The following SULT1A1 variants were observed in gnomAD, a reference collection of about 807,000 sequenced individuals.
The protein encoded by SULT1A1 is sulfotransferase family 1A member 1, also known as sulfotransferase 1A1.
Under a neutral mutation model 36.8 loss-of-function variants are expected in SULT1A1, and 35 were observed. The ratio of observed to expected loss-of-function variants is 0.95; its 90% CI spans 0.73 to 1.26. SULT1A1 has a LOEUF of 1.26. Ranked by LOEUF, SULT1A1 falls within the 50% of genes most tolerant of loss-of-function variation. SULT1A1 has a pLI of 0.00. For missense variants in SULT1A1, 309 were observed against 383.0 expected, an observed-to-expected ratio of 0.81 and a Z score of 1.61; for synonymous variants, 119 against 146.0, an observed-to-expected ratio of 0.82 and a Z score of 1.33.
At chr16:28,623,205 G>T (rs1422506432) in exon 1 of SULT1A1, 2 of 1,546,716 alleles carry the variant, frequency 1.3e-6, no homozygotes, top group Non-Finnish European at 1.7e-6. Flanking sequence ...CATGGCGCGC[G>T]GCGCTCGGCC....
At chr16:28,608,035 G>A (rs1315261993) in intron 4 of SULT1A1, 1 of 435,420 alleles carries the variant, frequency 2.3e-6, no homozygotes, top group Non-Finnish European at 4.1e-6. Context: ...TGCTCAGGCT[G>A]GAATGCAATG....
At chr16:28,608,089 G>A (rs2047288067) in intron 4 of SULT1A1, 3 of 738,484 alleles carry the variant, frequency 4.1e-6, no homozygotes, top group African/African-American at 1.7e-5. Context: ...CCGGGTTCAA[G>A]TGATTCTCCT....
At chr16:28,623,365 A>T in exon 1 of SULT1A1, 1 of 1,482,162 alleles carries the variant, frequency 6.7e-7, no homozygotes. Context: ...GAGACGAGCG[A>T]GCTACGGCAC....
chr16:28,615,617 A>G (rs1476693270), intron 2 of SULT1A1, among the ~76,000 whole-genome samples: 1 of 152,100 alleles, frequency 6.6e-6, no homozygotes, highest in Non-Finnish European at 1.5e-5. Context: ...AGCACGGCCA[A>G]CACAGGAAGC....
chr16:28,606,061 C>T lies in SULT1A1; in HGVS notation c.770G>A (p.Arg257Lys). 6.3e-7 allele frequency: 1 copy of T among 1,575,080 alleles called. No individual in the cohort carries two copies. Among genetic ancestry groups the T allele is most frequent in the Non-Finnish European group, 8.7e-7 (1 of 1,155,476 alleles). Residue 257 changes from arginine to lysine, a missense_variant, in exon 7 of 8, where the codon AGG (arginine) becomes AAG (lysine). By Grantham distance (26) the Arg-to-Lys change is conservative. This residue lies in a region of SULT1A1 where 67 missense variants were observed against 122.0 expected (regional missense o/e 0.55). Coordinates refer to ENST00000314752, the MANE Select transcript of SULT1A1 (RefSeq NM_001055.4). ...CCGTGCTGGCCAGCACCCACCTTTC[C>T]TCATGAAGGGGGAGATGCTGTGGTC... is the stretch of plus-strand genomic sequence containing the variant. ...FMDHSISPFM[R>K]KGMAGDWKTT...
chr16:28,610,129 C>T, upstream of SULT1A1: 1 of 1,285,980 alleles, frequency 7.8e-7, no homozygotes, highest in Non-Finnish European at 1.0e-6. Context: ...TTCTCCATTA[C>T]CCTCCTTAGT....
Position 28,608,461 on chromosome 16 carries a change from A to C in SULT1A1, c.274+17T>G. On this transcript the variant is annotated intron_variant, in intron 3 of 7. Transcript: ENST00000314752. The stretch of plus-strand genomic sequence containing the variant: ...GTCTTCCTCCACTCCCCTTGCACCC[A>C]GGACACACTCACACACCTGAGGGAA... 1.2e-6 allele frequency: 2 copies of C among 1,612,504 alleles called. No individual in the cohort carries two copies. The highest frequency in any genetic ancestry group is 1.7e-6 in the Non-Finnish European group (2 of 1,178,710).
chr16:28,620,563 CAAAAA>C (rs5816469), intron 1 of SULT1A1, among the ~76,000 whole-genome samples: 1 of 90,838 alleles, frequency 1.1e-5, no homozygotes, highest in African/African-American at 4.2e-5. Flanking sequence ...GACCCTGTCT[CAAAAA>C]AAAAAAAAAA....
At chr16:28,609,571 A>G (rs2047368322) in intron 1 of SULT1A1, 1 of 438,222 alleles carries the variant, frequency 2.3e-6, no homozygotes. Flanking sequence ...GCATTGCAAG[A>G]CCCCATCTCT....
chr16:28,609,905 C>A (rs1285344406), intron 1 of SULT1A1, 26 bp downstream of exon 1: 1 of 1,278,174 alleles, frequency 7.8e-7, no homozygotes, highest in African/African-American at 1.5e-5. Context: ...TGAGGGCGCC[C>A]TGGGCCGTTC....
upstream of SULT1A1, chr16:28,610,909 G>GA (rs2047427316): frequency 6.6e-6 from 1 of 152,246 alleles, no homozygotes; most frequent in African/African-American, 2.4e-5. Context: ...GAGTAAAGGT[G>GA]AATCTCCCAA....
At chr16:28,609,503 C>A in intron 1 of SULT1A1, 1 of 959,040 alleles carries the variant, frequency 1.0e-6, no homozygotes. Context: ...GTGGCTCCCA[C>A]CTATAATCCC....
chr16:28,618,624 G>A (rs936951831), intron 2 of SULT1A1, among the ~76,000 whole-genome samples: 5 of 152,074 alleles, frequency 3.3e-5, no homozygotes, highest in African/African-American at 1.2e-4. Flanking sequence ...GATTACAGGC[G>A]TGAGCCACCG....
intron 4 of SULT1A1, chr16:28,607,376 G>C: frequency 2.3e-6 from 1 of 428,720 alleles, no homozygotes; most frequent in African/African-American, 1.9e-5. Flanking sequence ...TTGTGGGCCT[G>C]TGAGGACCCA....
Position 28,608,590 on chromosome 16 carries a change from T to C in SULT1A1, c.162A>G (p.Val54=), listed in dbSNP as rs1126447. ...GGTAGATCATGTCCAGAATCTGGCTTACCCAGGTAGTGCCTGGAGAGGGAG... is the reference window on the plus strand; with the variant it reads ...GGTAGATCATGTCCAGAATCTGGCTCACCCAGGTAGTGCCTGGAGAGGGAG... The part of the protein sequence containing the change: ...STYPKSGTTW[V]SQILDMIYQG... The change falls in exon 3 of 8, where the codon GTA becomes GTG. Residue 54 remains valine (V), a synonymous_variant. Coordinates refer to ENST00000314752, the MANE Select transcript of SULT1A1 (RefSeq NM_001055.4). 0.37 allele frequency: 591,586 copies of C among 1,592,446 alleles called. 111,467 individuals carry two copies. Among genetic ancestry groups the C allele is most frequent in the Admixed American group, 0.46 (27,155 of 58,980 alleles).
At chr16:28,623,267 G>C in exon 1 of SULT1A1, 1 of 1,544,226 alleles carries the variant, frequency 6.5e-7, no homozygotes, top group South Asian at 1.2e-5. Context: ...AGTTGGCGTG[G>C]AAGGTCACCA....
At chr16:28,619,037 AT>A (rs2047600674) in intron 2 of SULT1A1, among the ~76,000 whole-genome samples, 1 of 152,290 alleles carries the variant, frequency 6.6e-6, no homozygotes, top group South Asian at 2.1e-4. Flanking sequence ...TCTTTTTGAG[AT>A]GGAGTCTTGC....
upstream of SULT1A1, chr16:28,610,263 T>C (rs55948799): frequency 2.4e-6 from 2 of 820,474 alleles, no homozygotes; most frequent in Non-Finnish European, 3.2e-6. Flanking sequence ...TTTTTTTTTC[T>C]GTTTTTTTTT....
chr16:28,608,716 G>A lies in SULT1A1; in HGVS notation c.140C>T (p.Pro47Leu), dbSNP rs764810714. The A allele has an allele frequency of 6.2e-7, 1 of 1,612,882 alleles. No homozygotes were observed. The highest frequency in any genetic ancestry group is 8.5e-7 in the Non-Finnish European group (1 of 1,179,210). Reference protein sequence around the residue: ...RPDDLLISTYPKSGTTWVSQI... With the variant: ...RPDDLLISTYLKSGTTWVSQI... ...TGGCCCTCCTCACTTACCGGACTTG[G>A]GGTAGGTGCTGATGAGCAGGTCATC... The change falls in exon 2 of 8, where the codon CCC (proline) becomes CTC (leucine). Residue 47 changes from proline (P) to leucine (L), a missense_variant. Pro to Leu is a moderately conservative substitution (Grantham distance 98, BLOSUM62 -3). This residue lies in a region of SULT1A1 where 219 missense variants were observed against 215.3 expected (regional missense o/e 1.02). Transcript: ENST00000314752.
Sources: gnomAD v4.1 joint callset for allele counts (sites outside exome capture counted in the v4.1 genomes callset) on GRCh38, gnomAD v4.1.1 for gene constraint, gnomAD v4.1.1 regional missense constraint, MANE v1.5 for transcripts, NCBI Gene and HGNC (gene_info 2026-07-23, HGNC 2026-07-21) for gene names.